The following KIF1B variants were observed in gnomAD, a reference collection of about 807,000 sequenced individuals.
KIF1B encodes kinesin-like protein KIF1B.
KIF1B carries 76 observed loss-of-function variants against 241.9 expected under a neutral mutation model. That is an observed-to-expected ratio of 0.31 (90% CI 0.26 to 0.38). KIF1B has a LOEUF of 0.38. KIF1B is among the 10% of genes least tolerant of loss of function. The pLI is 1.00. For missense variants in KIF1B, 1,622 were observed against 2,271.4 expected, an observed-to-expected ratio of 0.71 and a Z score of 5.81; for synonymous variants, 750 against 796.7, an observed-to-expected ratio of 0.94 and a Z score of 0.99.
chr1:10,235,395 G>A (rs887871351), intron 2 of KIF1B, among the ~76,000 whole-genome samples: 1 of 151,882 alleles, frequency 6.6e-6, no homozygotes, highest in Non-Finnish European at 1.5e-5. Context: ...TGGGACCACA[G>A]GTGCACAGCA....
chr1:10,363,393 C>T, intron 41 of KIF1B, 49 bp downstream of exon 41: 2 of 1,477,086 alleles, frequency 1.4e-6, no homozygotes, highest in Non-Finnish European at 1.9e-6. Flanking sequence ...GTGTATGTTT[C>T]AAGTATCCTG....
intron 22 of KIF1B, among the ~76,000 whole-genome samples, chr1:10,312,777 T>C (rs1322433916): frequency 1.3e-5 from 2 of 151,542 alleles, no homozygotes; most frequent in Non-Finnish European, 2.9e-5. Context: ...ACCCTATCTT[T>C]ATCTTTCTTC....
At chr1:10,219,909 G>A (rs1232894754) in intron 1 of KIF1B, among the ~76,000 whole-genome samples, 1 of 150,704 alleles carries the variant, frequency 6.6e-6, no homozygotes. Context: ...CTCTATTAAA[G>A]ATAAATTTAG....
intron 22 of KIF1B, among the ~76,000 whole-genome samples, chr1:10,316,145 ATCAC>A (rs1395397768): frequency 6.6e-6 from 1 of 150,404 alleles, no homozygotes; most frequent in Non-Finnish European, 1.5e-5. Context: ...AGGCAGGAGG[ATCAC>A]TTGAGCCTGA....
intron 7 of KIF1B, among the ~76,000 whole-genome samples, chr1:10,269,679 G>A (rs1214089915): frequency 6.6e-6 from 1 of 151,904 alleles, no homozygotes; most frequent in Non-Finnish European, 1.5e-5. Flanking sequence ...AAATTAGCCG[G>A]TCATGGTGTG....
intron 15 of KIF1B, among the ~76,000 whole-genome samples, chr1:10,285,656 T>A (rs777617938): frequency 2.0e-5 from 3 of 152,258 alleles, no homozygotes; most frequent in Non-Finnish European, 4.4e-5. Context: ...TGCAGTGTGG[T>A]AGTTCACTGA....
In KIF1B at chr1:10,377,466, C is replaced by A; in HGVS notation, c.*879C>A. 8.8e-6 allele frequency: 2 copies of A among 226,884 alleles called. No homozygotes were observed. The highest frequency in any genetic ancestry group is 6.3e-5 in the East Asian group (1 of 15,912). 14.1% of individuals were successfully genotyped at this position (226,884 alleles called of 1,614,324 possible). A position where few individuals can be genotyped will look rare whatever the true frequency, so the allele number is the denominator to read the frequency against. Reference sequence around the variant, plus strand: ...AGCTCCTCACAGCAGGATTCCTGCCCACTGTTTTTTCTCTGTTGGGAGGGA... The same window carrying A: ...AGCTCCTCACAGCAGGATTCCTGCCAACTGTTTTTTCTCTGTTGGGAGGGA... On this transcript the variant is annotated 3_prime_UTR_variant, in exon 49 of 49. Coordinates refer to ENST00000676179, the MANE Select transcript of KIF1B (RefSeq NM_001365951.3).
chr1:10,313,727 G>T lies in KIF1B; in HGVS notation c.2116-6316G>T, dbSNP rs570606262. ...CACCACACCCGGCTAATTTTTTGTA[G>T]TTTTAGTAGAGACGGGGTTTCACCG... On this transcript the variant is annotated intron_variant, in intron 22 of 48. Transcript: ENST00000676179. Among the ~76,000 whole-genome samples, 115 of 150,358 alleles carry T rather than the reference G, an allele frequency of 7.6e-4. 2 individuals carry two copies. The highest frequency in any genetic ancestry group is 9.9e-4 in the Non-Finnish European group (67 of 67,812).
intron 14 of KIF1B, among the ~76,000 whole-genome samples, chr1:10,281,596 A>G (rs2102231357): frequency 6.6e-6 from 1 of 152,288 alleles, no homozygotes; most frequent in East Asian, 1.9e-4. Context: ...GCTTGCTCTG[A>G]CAGAAGAATG....
chr1:10,336,419 T>C (rs1652180787), intron 28 of KIF1B, among the ~76,000 whole-genome samples: 1 of 152,234 alleles, frequency 6.6e-6, no homozygotes, highest in African/African-American at 2.4e-5. Context: ...AGTGCTGGGA[T>C]GACAGGCGTG....
At chr1:10,347,617 G>A in intron 35 of KIF1B, 144 bp from the exon 36 acceptor site, 2 of 695,964 alleles carry the variant, frequency 2.9e-6, no homozygotes, top group East Asian at 2.8e-5. Context: ...GAAAGGATGA[G>A]TAAATGCAAA....
At position 10,273,592 on chromosome 1, in the gene KIF1B, C is replaced by T. The variant is rs1648918905; in HGVS notation, c.882+561C>T. On this transcript the variant is annotated intron_variant, in intron 10 of 48. Transcript: ENST00000676179. The stretch of plus-strand genomic sequence containing the variant: ...TGAACCTGCTATTGGAAATGACTTT[C>T]TGATTGGTGGATTGTGTGTCTGTGG... 2.0e-5 allele frequency among the ~76,000 whole-genome samples: 3 copies of T among 150,972 alleles called. No homozygotes were observed. In the South Asian group the frequency reaches 6.3e-4, roughly 32 times the overall value.
chr1:10,309,247 A>C (rs756930931), intron 22 of KIF1B, among the ~76,000 whole-genome samples: 1 of 152,238 alleles, frequency 6.6e-6, no homozygotes, highest in African/African-American at 2.4e-5. Flanking sequence ...GAAACTTTAG[A>C]GAAGTGTTAT....
chr1:10,225,849 G>A (rs761921822), intron 1 of KIF1B, among the ~76,000 whole-genome samples: 6 of 152,126 alleles, frequency 3.9e-5, no homozygotes, highest in Non-Finnish European at 7.3e-5. Context: ...TCATTGCTTC[G>A]TAGACAGGAG....
chr1:10,257,823 G>A (rs893730977), intron 3 of KIF1B, among the ~76,000 whole-genome samples: 1 of 151,988 alleles, frequency 6.6e-6, no homozygotes, highest in South Asian at 2.1e-4. Flanking sequence ...TTACAGGCAG[G>A]TGCCACCACA....
intron 10 of KIF1B, chr1:10,274,769 G>A (rs1421818732): frequency 9.5e-6 from 1 of 104,864 alleles, no homozygotes; most frequent in Non-Finnish European, 2.1e-5. Context: ...TAATGCACAA[G>A]ATTAGTATTT....
chr1:10,348,681 C>G lies in KIF1B; in HGVS notation c.3897C>G (p.Ile1299Met). 2 of 1,614,130 alleles carry G rather than the reference C, an allele frequency of 1.2e-6. No homozygotes were observed. Among genetic ancestry groups the G allele is most frequent in the Non-Finnish European group, 1.7e-6 (2 of 1,179,996 alleles). ...AGCGAAGGATCACAGTGACCATTAT[C>G]CATGAGAAGGGGAGCGAGCTCCATT... ...GIQRRITVTIIHEKGSELHWK... is the reference protein window; with the variant it reads ...GIQRRITVTIMHEKGSELHWK... The change falls in exon 37 of 49, where the codon ATC becomes ATG. Residue 1299 changes from isoleucine (I) to methionine (M), a missense_variant. Coordinates refer to ENST00000676179, the MANE Select transcript of KIF1B (RefSeq NM_001365951.3).
intron 34 of KIF1B, 24 bp downstream of exon 34, chr1:10,343,311 CATG>C: frequency 6.2e-7 from 1 of 1,610,258 alleles, no homozygotes; most frequent in Non-Finnish European, 8.5e-7. Context: ...CCGCTTTTTG[CATG>C]ATGATCTCTT....
chr1:10,332,643 G>A (rs1651995520), intron 27 of KIF1B, among the ~76,000 whole-genome samples: 1 of 148,936 alleles, frequency 6.7e-6, no homozygotes. Context: ...AGCCTCCCGA[G>A]TAGCTGGGAC....
Sources: allele counts gnomAD v4.1 joint callset (sites outside exome capture counted in the v4.1 genomes callset), GRCh38; gene constraint gnomAD v4.1.1; transcripts MANE v1.5; gene names NCBI Gene and HGNC (gene_info 2026-07-23, HGNC 2026-07-21).